Variants in C1QTNF7 observed in about 807,000 individuals in gnomAD.
C1QTNF7 encodes C1q and TNF related 7.
C1QTNF7 carries 15 observed loss-of-function variants against 19.6 expected under a neutral mutation model. The observed-to-expected ratio is 0.76, with a 90% CI of 0.51 to 1.18. The LOEUF (loss-of-function observed/expected upper bound fraction) is 1.18, where lower values mean the gene tolerates loss of function less well. Ranked by LOEUF, C1QTNF7 falls within the 50% of genes most tolerant of loss-of-function variation. The pLI, the probability that C1QTNF7 is intolerant of heterozygous loss-of-function variation, is 0.00. For missense variants in C1QTNF7, 324 were observed against 359.7 expected (o/e 0.90, Z 0.80); for synonymous variants, 142 against 137.5 (o/e 1.03, Z -0.23).
chr4:15,409,024 A>G (rs747524674), intron 1 of C1QTNF7, among the ~76,000 whole-genome samples: 1 of 152,168 alleles, frequency 6.6e-6, no homozygotes, highest in Non-Finnish European at 1.5e-5. Context: ...AGCAAGTCCA[A>G]CGTTCCTTCC....
At chr4:15,370,125 A>G (rs1272619229) in intron 1 of C1QTNF7, among the ~76,000 whole-genome samples, 1 of 152,198 alleles carries the variant, frequency 6.6e-6, no homozygotes, top group Non-Finnish European at 1.5e-5. Context: ...TTATAGTGAT[A>G]TAAGATGTCA....
At position 15,354,638 on chromosome 4, in the gene C1QTNF7, T is replaced by G. The variant is rs577744182; in HGVS notation, c.13+14431T>G. 1.7e-4 allele frequency among the ~76,000 whole-genome samples: 26 copies of G among 152,234 alleles called. 1 individual carries two copies. Among genetic ancestry groups the G allele is most frequent in the African/African-American group, 6.0e-4 (25 of 41,554 alleles). On this transcript the variant is annotated intron_variant, in intron 1 of 2. Transcript: ENST00000295297. ...GTTCACATTGGATGGTCTAAATCCC[T>G]GGACTTTGATGTGGAAATGTCATGA...
At chr4:15,392,971 G>T (rs1170206258) in intron 1 of C1QTNF7, among the ~76,000 whole-genome samples, 3 of 152,122 alleles carry the variant, frequency 2.0e-5, no homozygotes, top group African/African-American at 7.2e-5. Context: ...TAATTTGACT[G>T]TGTCCCCACC....
chr4:15,374,032 A>G (rs776446047), intron 1 of C1QTNF7: 16 of 152,188 alleles, frequency 1.1e-4, no homozygotes, highest in African/African-American at 3.6e-4. Flanking sequence ...GAAAATCAAG[A>G]CTCAGAAACA....
At chr4:15,360,889 T>A (rs1049667698) in intron 1 of C1QTNF7, among the ~76,000 whole-genome samples, 1 of 152,184 alleles carries the variant, frequency 6.6e-6, no homozygotes, top group Non-Finnish European at 1.5e-5. Flanking sequence ...GCATCTGTAC[T>A]TAAACTCACC....
chr4:15,437,960 C>T (rs983296946), intron 2 of C1QTNF7, among the ~76,000 whole-genome samples: 1 of 152,110 alleles, frequency 6.6e-6, no homozygotes, highest in African/African-American at 2.4e-5. Flanking sequence ...ACACTGGGAA[C>T]GCAAGCATAA....
chr4:15,340,244 C>G (rs1716492131), intron 1 of C1QTNF7: 1 of 1,549,958 alleles, frequency 6.5e-7, no homozygotes, highest in South Asian at 1.2e-5. Flanking sequence ...TTCTCTTTTT[C>G]CCTCCTATTC....
chr4:15,431,048 TAGATGATAGATA>T (rs1712282897), intron 1 of C1QTNF7, among the ~76,000 whole-genome samples: 2 of 141,608 alleles, frequency 1.4e-5, no homozygotes, highest in Admixed American at 1.5e-4. Flanking sequence ...TTAAGATAGA[TAGATGATAGATA>T]GATAGATAGA....
chr4:15,395,225 G>C (rs1482323443), intron 1 of C1QTNF7, among the ~76,000 whole-genome samples: 1 of 152,024 alleles, frequency 6.6e-6, no homozygotes, highest in East Asian at 1.9e-4. Context: ...GGAGCATAGG[G>C]ACTGTCCCTA....
Position 15,435,903 on chromosome 4 carries a change from C to A in C1QTNF7, c.160C>A (p.Pro54Thr), listed in dbSNP as rs1428785754. 1.9e-6 allele frequency: 3 copies of A among 1,614,064 alleles called. No individual in the cohort carries two copies. Among genetic ancestry groups the A allele is most frequent in the Non-Finnish European group, 2.5e-6 (3 of 1,180,010 alleles). The part of the protein sequence containing the change: ...GPPGANGSPG[P>T]HGRIGLPGRD... ...CCCTGGAGCAAATGGTTCCCCTGGG[C>A]CCCATGGTCGCATCGGCCTTCCAGG... Residue 54 changes from proline to threonine, a missense_variant, in exon 2 of 3, where the codon CCC becomes ACC. Pro to Thr is a conservative substitution (Grantham distance 38, BLOSUM62 -1). Coordinates refer to ENST00000444304, the MANE Select transcript of C1QTNF7 (RefSeq NM_031911.5).
intron 1 of C1QTNF7, among the ~76,000 whole-genome samples, chr4:15,346,889 C>A (rs77295458): frequency 0.02 from 3,073 of 152,310 alleles, 100 homozygotes; most frequent in African/African-American, 0.069. Flanking sequence ...CCAATACCAA[C>A]ACGCAGTGAA....
At chr4:15,423,188 T>C (rs1711865107), upstream of C1QTNF7, among the ~76,000 whole-genome samples, 1 of 152,192 alleles carries the variant, frequency 6.6e-6, no homozygotes. Context: ...GGCAAGTCAC[T>C]TCTTACTGAA....
chr4:15,439,825 T>A lies in C1QTNF7; in HGVS notation c.239-2343T>A, dbSNP rs148181184. On this transcript the variant is annotated intron_variant, in intron 2 of 2. Coordinates refer to ENST00000444304, the MANE Select transcript of C1QTNF7 (RefSeq NM_031911.5). ...CATAAAATTGAATGATATCTTTCGA[T>A]GGTATTAAATCATTGCTGTTATATA... is the stretch of plus-strand genomic sequence containing the variant. Among the ~76,000 whole-genome samples, 713 of 152,204 alleles carry A rather than the reference T, an allele frequency of 4.7e-3. 2 individuals carry two copies. The highest frequency in any genetic ancestry group is 0.016 in the African/African-American group (661 of 41,544).
chr4:15,407,869 T>G (rs1489757556), intron 1 of C1QTNF7, among the ~76,000 whole-genome samples: 1 of 152,100 alleles, frequency 6.6e-6, no homozygotes, highest in Non-Finnish European at 1.5e-5. Flanking sequence ...GAGGTTGCAG[T>G]GAGCCCAGAA....
rs890506256 is a variant in C1QTNF7 at position 15,385,805 on chromosome 4, G to A, written c.13+45598G>A. On this transcript the variant is annotated intron_variant, in intron 1 of 2. Transcript: ENST00000295297. ...GGGCAATTTCAACAAGAGCGGGCTC[G>A]CTTGGTGAAGAATTCACAGGTAAAA... 7.2e-5 allele frequency among the ~76,000 whole-genome samples: 11 copies of A among 152,188 alleles called. No individual in the cohort carries two copies. In the East Asian group the frequency reaches 1.7e-3, roughly 24 times the overall value.
intron 1 of C1QTNF7, among the ~76,000 whole-genome samples, chr4:15,367,428 A>G (rs1223585745): frequency 6.6e-6 from 1 of 152,202 alleles, no homozygotes; most frequent in Non-Finnish European, 1.5e-5. Flanking sequence ...TACAATTTTC[A>G]TCATTACCCA....
chr4:15,389,454 T>C (rs975919156), intron 1 of C1QTNF7, among the ~76,000 whole-genome samples: 4 of 152,136 alleles, frequency 2.6e-5, no homozygotes, highest in Non-Finnish European at 2.9e-5. Flanking sequence ...AATTTTGCTC[T>C]TGTTGCCCAA....
intron 1 of C1QTNF7, among the ~76,000 whole-genome samples, chr4:15,350,359 G>GGAAGA (rs1383775963): frequency 6.8e-6 from 1 of 148,026 alleles, no homozygotes; most frequent in Non-Finnish European, 1.5e-5. Flanking sequence ...AGGGAGGGAG[G>GGAAGA]AAGGAAAAAA....
intron 1 of C1QTNF7, among the ~76,000 whole-genome samples, chr4:15,397,040 G>A (rs1718809454): frequency 1.3e-5 from 1 of 78,306 alleles, no homozygotes; most frequent in Admixed American, 1.3e-4. Context: ...TACATGGATG[G>A]CAGCAGGCAA....
Sources: allele counts gnomAD v4.1 joint callset (sites outside exome capture counted in the v4.1 genomes callset), GRCh38; gene constraint gnomAD v4.1.1; transcripts MANE v1.5; gene names NCBI Gene and HGNC (gene_info 2026-07-23, HGNC 2026-07-21).